NCALD: variants seen among roughly 807,000 people sequenced by gnomAD.
The protein encoded by NCALD is neurocalcin delta.
In NCALD, 10 loss-of-function variants were observed where a neutral mutation model predicts 18.6. The ratio of observed to expected loss-of-function variants is 0.54; its 90% CI spans 0.33 to 0.91. The LOEUF is 0.91. Ranked by LOEUF, NCALD falls within the 40% of genes least tolerant of loss-of-function variation. The pLI is 0.03. For missense variants in NCALD, 184 were observed against 247.6 expected (o/e 0.74, Z 1.72); for synonymous variants, 88 against 87.4 (o/e 1.01, Z -0.04).
intron 4 of NCALD, among the ~76,000 whole-genome samples, chr8:101,827,722 A>G (rs185307850): frequency 6.6e-6 from 1 of 152,364 alleles, no homozygotes; most frequent in Admixed American, 6.5e-5. Context: ...GGTTGTTAGG[A>G]AAGGAAGATT....
intron 2 of NCALD, 153 bp from the exon 3 acceptor site, chr8:101,693,049 A>C: frequency 1.8e-6 from 1 of 561,960 alleles, no homozygotes; most frequent in Non-Finnish European, 3.2e-6. Context: ...ATGTGGAGGC[A>C]CAGGTAGAAG....
At chr8:102,101,571 C>T (rs945273689) in intron 1 of NCALD, among the ~76,000 whole-genome samples, 2 of 152,164 alleles carry the variant, frequency 1.3e-5, no homozygotes, top group Non-Finnish European at 2.9e-5. Context: ...GCAACCATAA[C>T]CTTATTCTCG....
upstream of NCALD, among the ~76,000 whole-genome samples, chr8:101,795,944 A>G (rs1208328941): frequency 6.6e-6 from 1 of 152,230 alleles, no homozygotes; most frequent in African/African-American, 2.4e-5. Context: ...AGACAAGAGG[A>G]CAAGAAGTGA....
At chr8:102,049,308 C>T (rs1471263491) in intron 1 of NCALD, among the ~76,000 whole-genome samples, 2 of 152,220 alleles carry the variant, frequency 1.3e-5, no homozygotes, top group Admixed American at 6.5e-5. Flanking sequence ...ATCCAATCCC[C>T]CATGGATATC....
At chr8:101,903,602 C>T (rs1402556504) in intron 3 of NCALD, among the ~76,000 whole-genome samples, 1 of 152,140 alleles carries the variant, frequency 6.6e-6, no homozygotes, top group Non-Finnish European at 1.5e-5. Flanking sequence ...GGTGGAGCCA[C>T]TGAAGAGCTT....
At chr8:102,003,221 A>G (rs1205023453) in intron 2 of NCALD, among the ~76,000 whole-genome samples, 2 of 152,350 alleles carry the variant, frequency 1.3e-5, no homozygotes, top group East Asian at 3.9e-4. Context: ...CCACAGAAAT[A>G]CAAACTACCA....
chr8:102,109,496 C>A (rs528140938), intron 1 of NCALD, among the ~76,000 whole-genome samples: 1 of 152,200 alleles, frequency 6.6e-6, no homozygotes, highest in African/African-American at 2.4e-5. Flanking sequence ...GAGTAGCAAA[C>A]CCTGTCAAAG....
At chr8:101,699,584 A>G (rs892384168) in intron 2 of NCALD, among the ~76,000 whole-genome samples, 1 of 152,230 alleles carries the variant, frequency 6.6e-6, no homozygotes, top group Non-Finnish European at 1.5e-5. Context: ...TGCAGCTATA[A>G]AAAGGAATGA....
rs1011194806 is a variant in NCALD, at chr8:101,688,793, C to T, written c.*516G>A. 2.5e-5 allele frequency: 15 copies of T among 609,342 alleles called. No homozygotes were observed. In the East Asian group the frequency reaches 3.5e-4, roughly 14 times the overall value. The allele number at this position is 609,342 out of a possible 1,614,324, so 37.7% of individuals were successfully genotyped here. A position where few individuals can be genotyped will look rare whatever the true frequency, so the allele number is the denominator to read the frequency against. On this transcript the variant is annotated 3_prime_UTR_variant, in exon 4 of 4. Coordinates refer to ENST00000220931, the MANE Select transcript of NCALD (RefSeq NM_032041.3). ...GCTGGGGAAGAGAGGGGAGTGGGCC[C>T]CCATGGGGAAATGTCCCAGCTCGCT...
At chr8:101,983,128 C>A (rs1820684135) in intron 2 of NCALD, among the ~76,000 whole-genome samples, 1 of 152,200 alleles carries the variant, frequency 6.6e-6, no homozygotes, top group Non-Finnish European at 1.5e-5. Flanking sequence ...AGTCTCAGAA[C>A]TGTCCTCCCT....
chr8:101,846,057 T>C (rs750328920), intron 4 of NCALD, among the ~76,000 whole-genome samples: 2 of 152,248 alleles, frequency 1.3e-5, no homozygotes, highest in Non-Finnish European at 2.9e-5. Context: ...ATATACATTT[T>C]CTTTATCCAT....
chr8:101,700,432 T>A (rs1008403676), intron 2 of NCALD, among the ~76,000 whole-genome samples: 1 of 152,144 alleles, frequency 6.6e-6, no homozygotes, highest in Admixed American at 6.5e-5. Flanking sequence ...AAGCACCTTA[T>A]TTTTCAATGA....
chr8:101,794,933 C>T (rs572420350), upstream of NCALD, among the ~76,000 whole-genome samples: 9 of 152,262 alleles, frequency 5.9e-5, no homozygotes, highest in Admixed American at 3.9e-4. Context: ...AGAAGGCCAA[C>T]TTGTCTTTTC....
chr8:101,811,612 A>C (rs1164979091), intron 4 of NCALD, among the ~76,000 whole-genome samples: 2 of 152,238 alleles, frequency 1.3e-5, no homozygotes, highest in Admixed American at 6.5e-5. Context: ...TGAAAGAAGC[A>C]AAGATAAGCA....
intron 4 of NCALD, among the ~76,000 whole-genome samples, chr8:101,849,594 A>G (rs1363119362): frequency 6.6e-6 from 1 of 152,166 alleles, no homozygotes; most frequent in Non-Finnish European, 1.5e-5. Context: ...AAGACACAAA[A>G]GTAAAATTCA....
intron 4 of NCALD, among the ~76,000 whole-genome samples, chr8:101,814,065 T>C (rs1586563918): frequency 6.6e-6 from 1 of 152,118 alleles, no homozygotes; most frequent in East Asian, 1.9e-4. Context: ...GGTTCACTGG[T>C]GAATTCTACC....
At chr8:101,958,182 T>C (rs1166985641) in intron 2 of NCALD, among the ~76,000 whole-genome samples, 5 of 152,158 alleles carry the variant, frequency 3.3e-5, no homozygotes, top group African/African-American at 1.2e-4. Context: ...CAATTCTAAA[T>C]TCAGAGAAAT....
chr8:101,891,053 A>G (rs971600431), intron 3 of NCALD, among the ~76,000 whole-genome samples: 1 of 152,258 alleles, frequency 6.6e-6, no homozygotes, highest in Non-Finnish European at 1.5e-5. Context: ...AGCCAACTAC[A>G]TACAAATGGT....
intron 1 of NCALD, among the ~76,000 whole-genome samples, chr8:102,091,728 T>TC: frequency 6.6e-6 from 1 of 152,334 alleles, no homozygotes; most frequent in East Asian, 1.9e-4. Context: ...TTATTAATCT[T>TC]CCAGATATCA....
Sources: gnomAD v4.1 joint callset for allele counts (sites outside exome capture counted in the v4.1 genomes callset) on GRCh38, gnomAD v4.1.1 for gene constraint, MANE v1.5 for transcripts, NCBI Gene and HGNC (gene_info 2026-07-23, HGNC 2026-07-21) for gene names.